The following KIF26B variants were observed in gnomAD, a reference collection of about 807,000 sequenced individuals.
The protein encoded by KIF26B is kinesin family member 26B.
Under a neutral mutation model 151.2 loss-of-function variants are expected in KIF26B, and 63 were observed. The observed-to-expected ratio is 0.42, with a 90% CI of 0.34 to 0.51. The LOEUF is 0.51. Among genes scored for constraint, KIF26B ranks in the 20% least tolerant of loss-of-function variants. The probability of loss-of-function intolerance (pLI) is 0.07; values close to 1 mark genes in which losing one functional copy is unlikely to be tolerated. For synonymous variants in KIF26B, 1,357 were observed against 1,262.1 expected, an observed-to-expected ratio of 1.08 and a Z score of -1.59; for missense variants, 2,813 against 2,913.6, an observed-to-expected ratio of 0.97 and a Z score of 0.79.
At chr1:245,330,560 AGAGGGAGTGGAGGGAGAGTGGGG>A (rs1192127013) in intron 2 of KIF26B, among the ~76,000 whole-genome samples, 1 of 4,020 alleles carries the variant, frequency 2.5e-4, no homozygotes, top group South Asian at 4.6e-3. Flanking sequence ...GGGAAGTGGG[AGAGGGAGTGGAGGGAGAGTGGGG>A]GAGGGAGTGG....
intron 2 of KIF26B, among the ~76,000 whole-genome samples, chr1:245,305,862 C>T (rs913462407): frequency 8.2e-5 from 11 of 134,334 alleles, no homozygotes; most frequent in African/African-American, 3.0e-4. Context: ...GGCTTGAACC[C>T]GGTAGGCAGA....
At chr1:245,413,832 C>G (rs147959704) in intron 3 of KIF26B, among the ~76,000 whole-genome samples, 13 of 152,230 alleles carry the variant, frequency 8.5e-5, no homozygotes, top group African/African-American at 3.1e-4. Flanking sequence ...GGAGATGGAA[C>G]TGAGGCCTGA....
At chr1:245,561,384 C>T (rs1449948813) in intron 5 of KIF26B, among the ~76,000 whole-genome samples, 1 of 152,152 alleles carries the variant, frequency 6.6e-6, no homozygotes, top group East Asian at 1.9e-4. Flanking sequence ...GAACGGCAGT[C>T]ATCTGCACAC....
chr1:245,255,906 C>T (rs1670524922), intron 2 of KIF26B, among the ~76,000 whole-genome samples: 1 of 152,158 alleles, frequency 6.6e-6, no homozygotes, highest in Admixed American at 6.5e-5. Flanking sequence ...TCACATAACC[C>T]ATTCCTTCAT....
chr1:245,521,772 A>C (rs572776392), intron 4 of KIF26B, among the ~76,000 whole-genome samples: 1 of 152,214 alleles, frequency 6.6e-6, no homozygotes, highest in Non-Finnish European at 1.5e-5. Flanking sequence ...ATGGCTCCTG[A>C]CCTTATGAAA....
chr1:245,688,167 C>A lies in KIF26B; in HGVS notation c.5184C>A (p.Gly1728=). The A allele has an allele frequency of 6.3e-7, 1 of 1,597,532 alleles. No individual in the cohort carries two copies. Among genetic ancestry groups the A allele is most frequent in the Middle Eastern group, 1.7e-4 (1 of 6,042 alleles). Residue 1728 remains glycine (G), a synonymous_variant, in exon 12 of 15, where the codon GGC becomes GGA. Transcript: ENST00000407071. The part of the protein sequence containing the change: ...PPSSGASPKA[G]QSKISAVSRL... ...GCTCCGGGGCCTCGCCCAAGGCCGGCCAGTCCAAGATCTCCGCCGTGAGCA... is the reference window on the plus strand; with the variant it reads ...GCTCCGGGGCCTCGCCCAAGGCCGGACAGTCCAAGATCTCCGCCGTGAGCA...
chr1:245,273,869 A>G (rs77417652), intron 2 of KIF26B, among the ~76,000 whole-genome samples: 1 of 152,158 alleles, frequency 6.6e-6, no homozygotes, highest in African/African-American at 2.4e-5. Flanking sequence ...ATGAAAAGTC[A>G]TTACTGATAG....
rs982606329 is a variant in KIF26B at position 245,687,718 on chromosome 1, G to A, written c.4735G>A (p.Gly1579Arg). The change falls in exon 12 of 15, where the codon GGG (glycine) becomes AGG (arginine). Residue 1579 changes from glycine to arginine, a missense_variant. Around this residue, in one of 3 missense-constraint regions of KIF26B, gnomAD observed 2,060 missense variants for 2,088.6 expected, o/e 0.99. Transcript: ENST00000407071. This position sits in a 1 kb window ranked among gnomAD's most constrained non-coding sequence, Gnocchi z 4.9. ...GTPPSKATLE[G>R]KVASPKHCVL... ...CCCGCCCTCCAAGGCTACCCTGGAG[G>A]GGAAGGTGGCTTCCCCCAAGCACTG... is the stretch of plus-strand genomic sequence containing the variant. The A allele has an allele frequency of 2.5e-6, 4 of 1,580,334 alleles. No individual in the cohort carries two copies. Among genetic ancestry groups the A allele is most frequent in the Non-Finnish European group, 3.4e-6 (4 of 1,163,568 alleles).
rs543243024 is a variant in KIF26B, at chr1:245,421,803, G to A, written c.1166+2058G>A. ...AAACCAGCAGCGTCTTTGGAGCTGG[G>A]GAAAGGATGTGGAAATGAGGGGGGC... On this transcript the variant is annotated intron_variant, in intron 4 of 14. Transcript: ENST00000407071. Among the ~76,000 whole-genome samples, 6 of 152,194 alleles carry A rather than the reference G, an allele frequency of 3.9e-5. No homozygotes were observed. In the South Asian group the frequency reaches 8.3e-4, roughly 21 times the overall value.
chr1:245,605,550 C>T (rs918708873), intron 6 of KIF26B, among the ~76,000 whole-genome samples: 21 of 152,204 alleles, frequency 1.4e-4, no homozygotes, highest in South Asian at 1.0e-3. Flanking sequence ...TCAGTGGCTT[C>T]GGCAGTCGCT....
intron 5 of KIF26B, among the ~76,000 whole-genome samples, chr1:245,543,014 T>C (rs1409916934): frequency 6.7e-6 from 1 of 149,822 alleles, no homozygotes; most frequent in African/African-American, 2.4e-5. Flanking sequence ...TGTACCCCAA[T>C]ACCGCCCTGT....
chr1:245,401,081 C>A (rs1461321253), intron 3 of KIF26B, among the ~76,000 whole-genome samples: 1 of 152,064 alleles, frequency 6.6e-6, no homozygotes, highest in Non-Finnish European at 1.5e-5. Context: ...AGAATTGAAT[C>A]TTTTTGTTTA....
Position 245,686,229 on chromosome 1 carries a change from C to T in KIF26B, c.3246C>T (p.Pro1082=). The T allele has an allele frequency of 6.2e-7, 1 of 1,612,750 alleles. No homozygotes were observed. Among genetic ancestry groups the T allele is most frequent in the Non-Finnish European group, 8.5e-7 (1 of 1,179,898 alleles). Residue 1082 remains proline, a synonymous_variant, in exon 12 of 15, where the codon CCC becomes CCT. Transcript: ENST00000407071. This position sits in a 1 kb window ranked among gnomAD's most constrained non-coding sequence, Gnocchi z 5.6. ...SLSKTSEYKP[P]SSPSQRCKVY... is the part of the protein sequence containing the mutation. ...CCAAGACCTCGGAGTACAAGCCACC[C>T]AGCTCTCCTTCCCAGAGATGCAAAG...
At chr1:245,258,488 G>A (rs1048085402) in intron 2 of KIF26B, among the ~76,000 whole-genome samples, 2 of 152,194 alleles carry the variant, frequency 1.3e-5, no homozygotes, top group African/African-American at 4.8e-5. Flanking sequence ...TGGTATTGGA[G>A]CAGGATCAAA....
At chr1:245,223,454 C>T (rs975088474) in intron 2 of KIF26B, among the ~76,000 whole-genome samples, 7 of 152,204 alleles carry the variant, frequency 4.6e-5, no homozygotes, top group African/African-American at 1.7e-4. Flanking sequence ...CCTGTCAGGA[C>T]AGAGGACCTT....
intron 4 of KIF26B, among the ~76,000 whole-genome samples, chr1:245,492,359 A>G (rs761554930): frequency 3.2e-4 from 48 of 152,224 alleles, no homozygotes; most frequent in Non-Finnish European, 6.2e-4. Context: ...TACAAGCTTT[A>G]TAAGCTTTCT....
chr1:245,685,074 G>A (rs928868154), intron 11 of KIF26B, among the ~76,000 whole-genome samples: 5 of 152,200 alleles, frequency 3.3e-5, no homozygotes, highest in African/African-American at 9.6e-5. Context: ...TTTAAATAGC[G>A]TTTCTTAACC....
intron 2 of KIF26B, among the ~76,000 whole-genome samples, chr1:245,173,565 C>T (rs1046069328): frequency 7.2e-5 from 11 of 152,068 alleles, no homozygotes; most frequent in South Asian, 2.1e-4. Flanking sequence ...GGCCACTTTA[C>T]GGGTAAAGAA....
intron 10 of KIF26B, among the ~76,000 whole-genome samples, chr1:245,650,289 T>A (rs1265052086): frequency 1.3e-5 from 2 of 152,242 alleles, no homozygotes; most frequent in African/African-American, 4.8e-5. Flanking sequence ...TTACTGCTCT[T>A]GGGCACCAAG....
Sources: gnomAD v4.1 joint callset for allele counts (sites outside exome capture counted in the v4.1 genomes callset) on GRCh38, gnomAD v4.1.1 for gene constraint, gnomAD v4.1.1 regional missense constraint, Gnocchi (gnomAD v3.1) non-coding constraint, MANE v1.5 for transcripts, NCBI Gene and HGNC (gene_info 2026-07-23, HGNC 2026-07-21) for gene names.